The following MTRR variants were observed in gnomAD, a reference collection of about 807,000 sequenced individuals.
MTRR encodes the protein methionine synthase reductase.
A neutral mutation model predicts 79.2 loss-of-function variants in MTRR; 63 were observed. The ratio of observed to expected loss-of-function variants is 0.80; its 90% CI spans 0.65 to 0.98. MTRR has a LOEUF of 0.98. Ranked by LOEUF, MTRR falls within the 50% of genes least tolerant of loss-of-function variation. The probability of loss-of-function intolerance (pLI) is 0.00; values close to 1 mark genes in which losing one functional copy is unlikely to be tolerated. For missense variants in MTRR, 895 were observed against 839.6 expected, an observed-to-expected ratio of 1.07 and a Z score of -0.82; for synonymous variants, 355 against 313.3, an observed-to-expected ratio of 1.13 and a Z score of -1.41.
At chr5:7,851,156 C>T (rs1163719475), upstream of MTRR, 4 of 1,116,640 alleles carry the variant, frequency 3.6e-6, no homozygotes, top group Non-Finnish European at 1.1e-6. Flanking sequence ...TGCCTGGAAA[C>T]CGCCGCCTGG....
intron 11 of MTRR, among the ~76,000 whole-genome samples, chr5:7,895,356 A>G (rs1738321479): frequency 6.6e-6 from 1 of 152,148 alleles, no homozygotes; most frequent in South Asian, 2.1e-4. Flanking sequence ...CCTCATCGTG[A>G]TGCTAATCTT....
At chr5:7,863,517 G>A (rs1746701929) in intron 2 of MTRR, among the ~76,000 whole-genome samples, 1 of 152,170 alleles carries the variant, frequency 6.6e-6, no homozygotes, top group South Asian at 2.1e-4. Flanking sequence ...AATTAGGGAT[G>A]CTGAACTGGT....
intron 1 of MTRR, chr5:7,861,710 C>A: frequency 6.4e-7 from 1 of 1,569,670 alleles, no homozygotes; most frequent in East Asian, 2.3e-5. Flanking sequence ...CACTATCTTC[C>A]TGTATTCATT....
In MTRR at chr5:7,892,756, A is replaced by G. The variant is rs752726008; in HGVS notation, c.1400A>G (p.His467Arg). Residue 467 changes from histidine (H) to arginine (R), a missense_variant, in exon 11 of 15, where the codon CAT (histidine) becomes CGT (arginine). His to Arg is a conservative substitution (Grantham distance 29). Coordinates refer to ENST00000440940, the MANE Select transcript of MTRR (RefSeq NM_002454.3). ...SSSLFHPGKL[H>R]FVFNIVEFLS... Reference sequence around the variant, plus strand: ...AGTTTATTTCACCCAGGAAAGCTCCATTTTGTCTTCAACATTGTGGAATTT... The same window carrying G: ...AGTTTATTTCACCCAGGAAAGCTCCGTTTTGTCTTCAACATTGTGGAATTT... 1.2e-6 allele frequency: 2 copies of G among 1,614,194 alleles called. No homozygotes were observed. Among genetic ancestry groups the G allele is most frequent in the Non-Finnish European group, 1.7e-6 (2 of 1,180,032 alleles).
At chr5:7,859,385 G>C in intron 1 of MTRR, 1 of 1,174,108 alleles carries the variant, frequency 8.5e-7, no homozygotes, top group Non-Finnish European at 1.2e-6. Flanking sequence ...TTAATACTGA[G>C]TTCCATAAAA....
intron 9 of MTRR, among the ~76,000 whole-genome samples, chr5:7,890,694 C>T (rs1737397562): frequency 6.6e-6 from 1 of 152,104 alleles, no homozygotes; most frequent in Admixed American, 6.5e-5. Flanking sequence ...TAGACCTTTT[C>T]ATATTTTCAA....
At chr5:7,887,919 C>G (rs1412778849) in intron 8 of MTRR, among the ~76,000 whole-genome samples, 2 of 149,476 alleles carry the variant, frequency 1.3e-5, no homozygotes, top group South Asian at 2.1e-4. Context: ...ATCAAACCCT[C>G]TGAGTTAACA....
chr5:7,852,470 G>C (rs978143323), intron 1 of MTRR, among the ~76,000 whole-genome samples: 7 of 151,886 alleles, frequency 4.6e-5, no homozygotes, highest in African/African-American at 1.5e-4. Context: ...ACATCTTTTT[G>C]CTCCATGGCC....
Position 7,885,766 on chromosome 5 carries a change from G to C in MTRR, c.969G>C (p.Glu323Asp). The C allele has an allele frequency of 6.2e-7, 1 of 1,613,764 alleles. No individual in the cohort carries two copies. The change falls in exon 7 of 15, where the codon GAG (glutamate) becomes GAC (aspartate). Residue 323 changes from glutamate to aspartate, a missense_variant. Transcript: ENST00000440940. ...TGATCTGCCCTAACAGTGATTCTGA[G>C]GTACAAAGCCTACTCCAAAGACTGC... ...FSVICPNSDS[E>D]VQSLLQRLQL...
At chr5:7,868,197 C>G (rs1012510415), upstream of MTRR, 1 of 218,026 alleles carries the variant, frequency 4.6e-6, no homozygotes, top group Non-Finnish European at 7.4e-6. Flanking sequence ...AAACGAGTAT[C>G]TGGAAAAAAA....
chr5:7,897,502 T>C (rs1372546780), intron 14 of MTRR, among the ~76,000 whole-genome samples: 2 of 152,250 alleles, frequency 1.3e-5, no homozygotes, highest in Non-Finnish European at 2.9e-5. Flanking sequence ...TACCTGTTTT[T>C]AGCCTCTGAA....
At chr5:7,890,571 A>C (rs1737380366) in intron 9 of MTRR, among the ~76,000 whole-genome samples, 1 of 152,028 alleles carries the variant, frequency 6.6e-6, no homozygotes, top group Non-Finnish European at 1.5e-5. Context: ...TGGGACTTAT[A>C]AAAAATTATA....
At chr5:7,868,155 G>T, upstream of MTRR, 4 of 639,796 alleles carry the variant, frequency 6.3e-6, no homozygotes, top group Non-Finnish European at 7.0e-6. Context: ...TTGAGAACAT[G>T]ATTGACCCAA....
chr5:7,873,525 G>A lies in MTRR; in HGVS notation c.282G>A (p.Leu94=). Residue 94 remains leucine (L), a splice_region_variant and synonymous_variant, in exon 3 of 15, where the codon CTG becomes CTA. Transcript: ENST00000440940. ...DFFAHLRYGL[L]GLGDSEYTYF... is the part of the protein sequence containing the mutation. Reference sequence around the variant, plus strand: ...TTGCTCACCTGCGGTATGGGTTACTGGGTAATGGACTCTCTCTTCTGATCT... The same window carrying A: ...TTGCTCACCTGCGGTATGGGTTACTAGGTAATGGACTCTCTCTTCTGATCT... 6.2e-7 allele frequency: 1 copy of A among 1,614,032 alleles called. No homozygotes were observed. The highest frequency in any genetic ancestry group is 8.5e-7 in the Non-Finnish European group (1 of 1,179,978).
At chr5:7,860,303 G>A (rs563784585) in intron 1 of MTRR, among the ~76,000 whole-genome samples, 1 of 152,242 alleles carries the variant, frequency 6.6e-6, no homozygotes, top group Non-Finnish European at 1.5e-5. Flanking sequence ...TCATTCTCAC[G>A]CACTGCTGAG....
At chr5:7,897,931 C>T (rs1738816274) in intron 14 of MTRR, among the ~76,000 whole-genome samples, 1 of 150,678 alleles carries the variant, frequency 6.6e-6, no homozygotes, top group Admixed American at 6.6e-5. Context: ...TTTTTTTCAA[C>T]TGTAATGTAG....
intron 1 of MTRR, among the ~76,000 whole-genome samples, chr5:7,858,008 G>A (rs17243407): frequency 0.13 from 20,406 of 152,160 alleles, 1,827 homozygotes; most frequent in Non-Finnish European, 0.2. Context: ...TTACCTCTTC[G>A]TGTGGCTGTT....
intron 8 of MTRR, among the ~76,000 whole-genome samples, chr5:7,888,438 C>T (rs2126766455): frequency 6.6e-6 from 1 of 152,274 alleles, no homozygotes; most frequent in East Asian, 1.9e-4. Flanking sequence ...TATTATCTTG[C>T]CAAAGTCTTT....
chr5:7,880,809 GC>G (rs1202666122), intron 5 of MTRR, among the ~76,000 whole-genome samples: 1 of 152,144 alleles, frequency 6.6e-6, no homozygotes, highest in African/African-American at 2.4e-5. Context: ...TTACCGCCTG[GC>G]CCCCATGTGC....
Sources: allele counts gnomAD v4.1 joint callset (sites outside exome capture counted in the v4.1 genomes callset), GRCh38; gene constraint gnomAD v4.1.1; transcripts MANE v1.5; gene names NCBI Gene and HGNC (gene_info 2026-07-23, HGNC 2026-07-21).